The following MMS22L variants were observed in gnomAD, a reference collection of about 807,000 sequenced individuals.
MMS22L encodes protein MMS22-like.
In MMS22L, 74 loss-of-function variants were observed where a neutral mutation model predicts 159.1. The ratio of observed to expected loss-of-function variants is 0.47; its 90% CI spans 0.39 to 0.56. MMS22L has a LOEUF of 0.56. Among genes scored for constraint, MMS22L ranks in the 20% least tolerant of loss-of-function variants. The probability of loss-of-function intolerance (pLI) is 0.00; values close to 1 mark genes in which losing one functional copy is unlikely to be tolerated. For missense variants in MMS22L, 1,351 were observed against 1,422.1 expected (o/e 0.95, Z 0.80); for synonymous variants, 517 against 506.9 (o/e 1.02, Z -0.27).
intron 3 of MMS22L, among the ~76,000 whole-genome samples, chr6:97,279,460 G>GT (rs1275520747): frequency 6.6e-6 from 1 of 151,722 alleles, no homozygotes; most frequent in Non-Finnish European, 1.5e-5. Context: ...CTCCAGCCTG[G>GT]GCAACAGAGC....
chr6:97,234,634 G>T (rs1456115986), intron 11 of MMS22L, among the ~76,000 whole-genome samples: 1 of 152,162 alleles, frequency 6.6e-6, no homozygotes, highest in Non-Finnish European at 1.5e-5. Flanking sequence ...GTAAGTCAGA[G>T]ATAGCACATG....
intron 20 of MMS22L, among the ~76,000 whole-genome samples, chr6:97,167,297 C>A (rs1391241096): frequency 6.6e-6 from 1 of 152,140 alleles, no homozygotes; most frequent in Admixed American, 6.6e-5. Flanking sequence ...CATTTCACTT[C>A]TTTGAGTTCC....
At chr6:97,194,761 G>C (rs551188647) in intron 14 of MMS22L, among the ~76,000 whole-genome samples, 2 of 152,226 alleles carry the variant, frequency 1.3e-5, no homozygotes, top group East Asian at 3.9e-4. Flanking sequence ...AACCTTTGGG[G>C]GGAAGCACAA....
Position 97,146,907 on chromosome 6 carries a change from A to G in MMS22L, c.3651-20T>C. 2 of 1,462,660 alleles carry G rather than the reference A, an allele frequency of 1.4e-6. No individual in the cohort carries two copies. The highest frequency in any genetic ancestry group is 1.9e-6 in the Non-Finnish European group (2 of 1,079,826). 90.6% of individuals were successfully genotyped at this position (1,462,660 alleles called of 1,614,324 possible). ...GCTTCCCTGTTTAAGAAAAAAGAAAAGAAAGCAAATATATTAACATTTTCA... is the reference window on the plus strand; with the variant it reads ...GCTTCCCTGTTTAAGAAAAAAGAAAGGAAAGCAAATATATTAACATTTTCA... On this transcript the variant is annotated intron_variant, in intron 24 of 24. Coordinates refer to ENST00000683635, the MANE Select transcript of MMS22L (RefSeq NM_001350599.2).
At chr6:97,245,989 T>C in intron 11 of MMS22L, 1 of 240,766 alleles carries the variant, frequency 4.2e-6, no homozygotes, top group Non-Finnish European at 8.4e-6. Context: ...TTCCAAAATA[T>C]TATTTATTAT....
intron 9 of MMS22L, among the ~76,000 whole-genome samples, chr6:97,262,276 A>G (rs1174975606): frequency 6.6e-6 from 1 of 152,224 alleles, no homozygotes; most frequent in Non-Finnish European, 1.5e-5. Flanking sequence ...TTAAGTTTAC[A>G]TTTATTTGAT....
At chr6:97,231,259 T>C (rs865988687) in intron 13 of MMS22L, 167 bp downstream of exon 13, 2 of 593,486 alleles carry the variant, frequency 3.4e-6, no homozygotes, top group East Asian at 2.8e-5. Flanking sequence ...AACGTACAAC[T>C]TGAAGATGTT....
At chr6:97,180,843 T>C (rs1383301420) in intron 16 of MMS22L, among the ~76,000 whole-genome samples, 2 of 152,086 alleles carry the variant, frequency 1.3e-5, no homozygotes, top group African/African-American at 4.8e-5. Context: ...AATGAAAAAA[T>C]GTATACTTAA....
rs571486747 is a variant in MMS22L at position 97,268,555 on chromosome 6, GA to G, written c.698-554del. On this transcript the variant is annotated intron_variant, in intron 7 of 24. Coordinates refer to ENST00000683635, the MANE Select transcript of MMS22L (RefSeq NM_001350599.2). ...CTTTTCCTAATAAGTCTATCTTTAA[GA>G]AGCATTAATGCAACACAACTTAAAA... is the stretch of plus-strand genomic sequence containing the variant. Among the ~76,000 whole-genome samples, 21 of 151,404 alleles carry G rather than the reference GA, an allele frequency of 1.4e-4. No homozygotes were observed. In the South Asian group the frequency reaches 3.7e-3, roughly 27 times the overall value.
At chr6:97,260,090 TG>T (rs746741380) in intron 9 of MMS22L, 1 of 152,202 alleles carries the variant, frequency 6.6e-6, no homozygotes, top group Non-Finnish European at 1.5e-5. Flanking sequence ...CTAGAGGACT[TG>T]GAGATTTTTT....
At chr6:97,220,280 G>A (rs992623708) in intron 14 of MMS22L, among the ~76,000 whole-genome samples, 2 of 152,090 alleles carry the variant, frequency 1.3e-5, no homozygotes, top group Non-Finnish European at 2.9e-5. Flanking sequence ...TACAGATTAA[G>A]GTAAAAGAAG....
chr6:97,160,330 G>T (rs1206141), intron 22 of MMS22L, among the ~76,000 whole-genome samples: 82,777 of 151,706 alleles, frequency 0.55, 23,478 homozygotes, highest in African/African-American at 0.7. Context: ...TATTTGAGAA[G>T]GTCTGTTTCA....
chr6:97,247,735 G>A (rs988424199), intron 10 of MMS22L, among the ~76,000 whole-genome samples: 1 of 151,884 alleles, frequency 6.6e-6, no homozygotes, highest in Non-Finnish European at 1.5e-5. Context: ...AAAAAGAAAA[G>A]TAATCATAAG....
intron 14 of MMS22L, among the ~76,000 whole-genome samples, chr6:97,189,582 A>AT (rs960328322): frequency 2.3e-5 from 3 of 128,094 alleles, no homozygotes; most frequent in Admixed American, 7.8e-5. Context: ...AAAAAAAAGA[A>AT]TAATTAATTA....
intron 22 of MMS22L, among the ~76,000 whole-genome samples, chr6:97,158,429 C>T (rs922414425): frequency 7.2e-5 from 11 of 152,116 alleles, no homozygotes; most frequent in African/African-American, 2.7e-4. Context: ...GATCTTTCTG[C>T]TTTCTCTTGT....
rs1188879816 is a variant in MMS22L at position 97,272,798 on chromosome 6, A to G, written c.512T>C (p.Ile171Thr). 4 of 1,613,912 alleles carry G rather than the reference A, an allele frequency of 2.5e-6. No individual in the cohort carries two copies. Among genetic ancestry groups the G allele is most frequent in the African/African-American group, 1.3e-5 (1 of 74,930 alleles). Residue 171 changes from isoleucine (I) to threonine (T), a missense_variant, in exon 6 of 25, where the codon ATT becomes ACT. By Grantham distance (89) the Ile-to-Thr change is moderately conservative. Transcript: ENST00000683635. ...ALEAQLPSVL[I>T]DELHGLLLYI... ...CAAGAGTAATCCATGAAGCTCATCA[A>G]TCAACACTGAGGGAAGCTGAGCCTC...
In MMS22L at chr6:97,246,707, T is replaced by C. The variant is rs1033745954; in HGVS notation, c.1120-17A>G. ...CACTTTTCTCTAGAAAGGGAGAAAA[T>C]AGTGCATCAAAATTATTGCTCTTGA... is the stretch of plus-strand genomic sequence containing the variant. On this transcript the variant is annotated splice_polypyrimidine_tract_variant and intron_variant, in intron 10 of 24. Transcript: ENST00000683635. 9 of 1,445,590 alleles carry C rather than the reference T, an allele frequency of 6.2e-6. No homozygotes were observed. In the African/African-American group the frequency reaches 1.2e-4, roughly 19 times the overall value. The allele number at this position is 1,445,590 out of a possible 1,614,324, so 89.5% of individuals were successfully genotyped here. A position where few individuals can be genotyped will look rare whatever the true frequency, so the allele number is the denominator to read the frequency against.
Position 97,162,102 on chromosome 6 carries a change from G to A in MMS22L, c.3285C>T (p.Phe1095=). The A allele has an allele frequency of 6.2e-7, 1 of 1,612,254 alleles. No individual in the cohort carries two copies. The highest frequency in any genetic ancestry group is 8.5e-7 in the Non-Finnish European group (1 of 1,179,040). ...TAGTTTCCTTGAAGAGTTGGAGGAT[G>A]AAGGCCAGAATGGATGCTAAGCGAG... The part of the protein sequence containing the change: ...PPPRLASILA[F]ILQLFKETNT... Residue 1095 remains phenylalanine (F), a synonymous_variant, in exon 22 of 25, where the codon TTC becomes TTT. Coordinates refer to ENST00000683635, the MANE Select transcript of MMS22L (RefSeq NM_001350599.2).
chr6:97,194,264 G>C (rs1806227889), intron 14 of MMS22L, among the ~76,000 whole-genome samples: 1 of 151,452 alleles, frequency 6.6e-6, no homozygotes, highest in African/African-American at 2.4e-5. Flanking sequence ...CATCATGTTG[G>C]CCACGATGGT....
Sources: allele counts gnomAD v4.1 joint callset (sites outside exome capture counted in the v4.1 genomes callset), GRCh38; gene constraint gnomAD v4.1.1; transcripts MANE v1.5; gene names NCBI Gene and HGNC (gene_info 2026-07-23, HGNC 2026-07-21).